The following HPSE2 variants were observed in gnomAD, a reference collection of about 807,000 sequenced individuals.
HPSE2 encodes the protein heparanase 2 (inactive), also known as inactive heparanase-2.
A neutral mutation model predicts 60.5 loss-of-function variants in HPSE2; 38 were observed. The observed-to-expected ratio is 0.63, with a 90% CI of 0.48 to 0.82. The LOEUF is 0.82. HPSE2 is among the 40% of genes least tolerant of loss of function. HPSE2 has a pLI of 0.00. For synonymous variants in HPSE2, 295 were observed against 293.2 expected (o/e 1.01, Z -0.06); for missense variants, 713 against 740.4 (o/e 0.96, Z 0.43).
intron 3 of HPSE2, among the ~76,000 whole-genome samples, chr10:99,018,505 G>T (rs1383617981): frequency 2.0e-5 from 3 of 152,182 alleles, no homozygotes; most frequent in African/African-American, 7.2e-5. Flanking sequence ...ATGAAATATG[G>T]TTCTATCCAG....
intron 3 of HPSE2, among the ~76,000 whole-genome samples, chr10:98,856,088 A>G (rs1421740263): frequency 1.3e-5 from 2 of 152,166 alleles, no homozygotes; most frequent in African/African-American, 4.8e-5. Context: ...TATACATACT[A>G]AAGGCCTAGC....
intron 3 of HPSE2, among the ~76,000 whole-genome samples, chr10:98,939,232 C>A (rs1323942295): frequency 7.0e-6 from 1 of 143,634 alleles, no homozygotes; most frequent in Non-Finnish European, 1.5e-5. Context: ...TCACACATAA[C>A]AATATTAACT....
chr10:98,550,964 C>G (rs1943847098), intron 9 of HPSE2, among the ~76,000 whole-genome samples: 2 of 152,108 alleles, frequency 1.3e-5, no homozygotes, highest in African/African-American at 4.8e-5. Flanking sequence ...TATGGTTGAG[C>G]CTTCCATAAC....
At chr10:98,991,027 C>T (rs2135341485) in intron 3 of HPSE2, among the ~76,000 whole-genome samples, 1 of 152,300 alleles carries the variant, frequency 6.6e-6, no homozygotes, top group Admixed American at 6.5e-5. Flanking sequence ...TTCCCACCTC[C>T]ACTTTTTTCT....
intron 3 of HPSE2, among the ~76,000 whole-genome samples, chr10:98,753,402 T>C (rs1049305013): frequency 2.0e-5 from 3 of 152,120 alleles, no homozygotes; most frequent in South Asian, 2.1e-4. Flanking sequence ...CCTAGGTATA[T>C]ATCCAGAAGA....
At chr10:99,050,802 A>G (rs1957973674) in intron 3 of HPSE2, among the ~76,000 whole-genome samples, 1 of 152,232 alleles carries the variant, frequency 6.6e-6, no homozygotes, top group African/African-American at 2.4e-5. Flanking sequence ...AATCGAACTC[A>G]GGGAAGCAGA....
At chr10:98,768,196 C>G (rs1343959505) in intron 3 of HPSE2, among the ~76,000 whole-genome samples, 1 of 151,990 alleles carries the variant, frequency 6.6e-6, no homozygotes, top group Non-Finnish European at 1.5e-5. Context: ...AACAAAGTTA[C>G]TTACTGGTGG....
At chr10:98,757,663 C>T (rs888142321) in intron 3 of HPSE2, among the ~76,000 whole-genome samples, 9 of 151,916 alleles carry the variant, frequency 5.9e-5, no homozygotes, top group African/African-American at 1.9e-4. Flanking sequence ...AATTATGAAA[C>T]GCTGCTGAGA....
intron 2 of HPSE2, among the ~76,000 whole-genome samples, chr10:99,194,529 A>G (rs759703308): frequency 4.0e-5 from 6 of 151,736 alleles, no homozygotes; most frequent in Non-Finnish European, 8.8e-5. Flanking sequence ...GCCAGATTAA[A>G]AAAAAAACCC....
intron 5 of HPSE2, among the ~76,000 whole-genome samples, chr10:98,716,456 A>AATAAATAG (rs1948793591): frequency 6.6e-6 from 1 of 151,212 alleles, no homozygotes; most frequent in Non-Finnish European, 1.5e-5. Flanking sequence ...TAAATAAATA[A>AATAAATAG]ATAAATAAAT....
chr10:98,707,559 G>T lies in HPSE2; in HGVS notation c.957-13612C>A, dbSNP rs1288717380. Among the ~76,000 whole-genome samples, 3 of 152,060 alleles carry T rather than the reference G, an allele frequency of 2.0e-5. No individual in the cohort carries two copies. The East Asian group carries it at 5.8e-4, about 29-fold the overall frequency. ...AAAATGAGAAAACTATTATTTAAAT[G>T]TTAGTGATATTTAAAGTACTGTTAT... On this transcript the variant is annotated intron_variant, in intron 5 of 11. Transcript: ENST00000370552.
chr10:99,087,324 T>A (rs1301682003), intron 3 of HPSE2, among the ~76,000 whole-genome samples: 1 of 152,226 alleles, frequency 6.6e-6, no homozygotes, highest in Non-Finnish European at 1.5e-5. Flanking sequence ...CTTGTCGCTC[T>A]CAGTAAATCT....
chr10:98,637,297 T>A (rs142195290), intron 7 of HPSE2, among the ~76,000 whole-genome samples: 5 of 152,154 alleles, frequency 3.3e-5, no homozygotes, highest in Non-Finnish European at 7.4e-5. Context: ...GCCAAAAATA[T>A]CACCTATCAT....
At chr10:98,700,185 A>T (rs1350234250) in intron 5 of HPSE2, among the ~76,000 whole-genome samples, 1 of 152,016 alleles carries the variant, frequency 6.6e-6, no homozygotes, top group East Asian at 1.9e-4. Context: ...TGCATCACCA[A>T]GTCAATCCTA....
At chr10:99,294,255 T>C in the HPSE2 span, among the ~76,000 whole-genome samples, 1 of 151,028 alleles carries the variant, frequency 6.6e-6, no homozygotes, top group East Asian at 1.9e-4. Flanking sequence ...CTTATGAAGA[T>C]ACATATTCTA....
At chr10:99,280,702 G>A in the HPSE2 span, among the ~76,000 whole-genome samples, 1 of 152,164 alleles carries the variant, frequency 6.6e-6, no homozygotes, top group Non-Finnish European at 1.5e-5. Context: ...CTAGTGTTAT[G>A]ATTAACTGTG....
intron 9 of HPSE2, among the ~76,000 whole-genome samples, chr10:98,562,887 C>T (rs1230214210): frequency 2.6e-5 from 4 of 151,710 alleles, no homozygotes; most frequent in Non-Finnish European, 4.4e-5. Context: ...GATGATTTTA[C>T]AAGAGGTTTG....
chr10:98,822,734 T>TA (rs1302634787), intron 3 of HPSE2, among the ~76,000 whole-genome samples: 2 of 152,192 alleles, frequency 1.3e-5, no homozygotes, highest in African/African-American at 4.8e-5. Flanking sequence ...GAGATAACGC[T>TA]ATGCAAACAC....
intron 6 of HPSE2, among the ~76,000 whole-genome samples, chr10:98,671,626 T>C (rs1026510709): frequency 1.3e-5 from 2 of 152,330 alleles, no homozygotes; most frequent in East Asian, 1.9e-4. Context: ...CCGCCCCTTG[T>C]GGGTCTTTAA....
Sources: allele counts gnomAD v4.1 joint callset (sites outside exome capture counted in the v4.1 genomes callset), GRCh38; gene constraint gnomAD v4.1.1; transcripts MANE v1.5; gene names NCBI Gene and HGNC (gene_info 2026-07-23, HGNC 2026-07-21).